EP300: variants seen among roughly 807,000 people sequenced by gnomAD.
EP300 encodes the protein EP300 lysine acetyltransferase.
Under a neutral mutation model 264.0 loss-of-function variants are expected in EP300, and 31 were observed. The ratio of observed to expected loss-of-function variants is 0.12; its 90% CI spans 0.09 to 0.16. The LOEUF is 0.16. Ranked by LOEUF, EP300 falls within the 10% of genes least tolerant of loss-of-function variation. The pLI, the probability that EP300 is intolerant of heterozygous loss-of-function variation, is 1.00. For synonymous variants in EP300, 1,340 were observed against 1,045.4 expected, an observed-to-expected ratio of 1.28 and a Z score of -5.44; for missense variants, 2,766 against 3,052.9, an observed-to-expected ratio of 0.91 and a Z score of 2.21.
At chr22:41,154,282 A>C (rs1167582782) in intron 16 of EP300, among the ~76,000 whole-genome samples, 2 of 149,410 alleles carry the variant, frequency 1.3e-5, no homozygotes. Flanking sequence ...GATCTAGTCT[A>C]GTTTCTGACT....
At chr22:41,107,482 C>A (rs1158365961) in intron 1 of EP300, among the ~76,000 whole-genome samples, 1 of 150,792 alleles carries the variant, frequency 6.6e-6, no homozygotes. Flanking sequence ...GATTTTGAGC[C>A]AAAATTGTTT....
intron 13 of EP300, 25 bp from the exon 14 acceptor site, chr22:41,149,736 C>CT (rs1303150275): frequency 6.2e-7 from 1 of 1,611,412 alleles, no homozygotes; most frequent in Non-Finnish European, 8.5e-7. Context: ...GAATTGCTGT[C>CT]TTGTTATGTT....
rs2145735948 is a variant in EP300, at chr22:41,149,103, G to A, written c.2307G>A (p.Gln769=). ...AGGGCCAGTTCCTTCCTCAGACTCAGTTCCCATCACAGGGAATGAATGTAA... is the reference window on the plus strand; with the variant it reads ...AGGGCCAGTTCCTTCCTCAGACTCAATTCCCATCACAGGGAATGAATGTAA... The part of the protein sequence containing the change: ...SNQGQFLPQT[Q]FPSQGMNVTN... Residue 769 remains glutamine (Q), a synonymous_variant, in exon 13 of 31, where the codon CAG becomes CAA. Coordinates refer to ENST00000263253, the MANE Select transcript of EP300 (RefSeq NM_001429.4). 1 of 1,613,246 alleles carries A rather than the reference G, an allele frequency of 6.2e-7. No individual in the cohort carries two copies. Among genetic ancestry groups the A allele is most frequent in the South Asian group, 1.1e-5 (1 of 91,060 alleles).
chr22:41,147,321 C>T (rs1046857395), intron 11 of EP300, among the ~76,000 whole-genome samples: 2 of 145,272 alleles, frequency 1.4e-5, no homozygotes, highest in Non-Finnish European at 3.0e-5. Flanking sequence ...AAAAAAAAAG[C>T]AGATTGTAAA....
At chr22:41,114,697 G>A (rs968863867) in intron 1 of EP300, among the ~76,000 whole-genome samples, 2 of 152,040 alleles carry the variant, frequency 1.3e-5, no homozygotes, top group African/African-American at 4.8e-5. Context: ...TGTCCTTCGC[G>A]AAGAATGCAT....
chr22:41,168,973 G>C (rs974460111), intron 25 of EP300, 106 bp downstream of exon 25: 4 of 1,517,432 alleles, frequency 2.6e-6, no homozygotes, highest in African/African-American at 2.7e-5. Context: ...GTTTGGTTTG[G>C]AAATGCAAAA....
intron 1 of EP300, among the ~76,000 whole-genome samples, chr22:41,115,301 A>G (rs1173475213): frequency 6.6e-6 from 1 of 152,256 alleles, no homozygotes; most frequent in African/African-American, 2.4e-5. Flanking sequence ...TAGAAAGACC[A>G]GGAGTCTCCT....
chr22:41,134,637 G>A (rs942614361), intron 6 of EP300, among the ~76,000 whole-genome samples: 3 of 152,084 alleles, frequency 2.0e-5, no homozygotes, highest in South Asian at 2.1e-4. Flanking sequence ...TCAAGTGATC[G>A]CCTGCCTCGA....
rs1240357634 is a variant in EP300, at chr22:41,117,390, C to T, written c.298C>T (p.Pro100Ser). 1 of 1,614,090 alleles carries T rather than the reference C, an allele frequency of 6.2e-7. No homozygotes were observed. Among genetic ancestry groups the T allele is most frequent in the South Asian group, 1.1e-5 (1 of 91,078 alleles). The part of the protein sequence containing the change: ...SPNLNMGVGG[P>S]GQVMASQAQQ... ...TAACCTCAATATGGGAGTTGGTGGC[C>T]CAGGTCAAGTCATGGCCAGCCAGGC... The change falls in exon 2 of 31, where the codon CCA (proline) becomes TCA (serine). Residue 100 changes from proline (P) to serine (S), a missense_variant. By Grantham distance (74) the Pro-to-Ser change is moderately conservative. Coordinates refer to ENST00000263253, the MANE Select transcript of EP300 (RefSeq NM_001429.4).
intron 13 of EP300, 109 bp downstream of exon 13, chr22:41,149,284 T>C: frequency 2.2e-6 from 3 of 1,341,748 alleles, no homozygotes; most frequent in Non-Finnish European, 3.2e-6. Context: ...AACAGATGAT[T>C]TTTTAAAAAA....
rs1399174163 is a variant in EP300, at chr22:41,178,941, A to G, written c.7230A>G (p.Thr2410=). 4.3e-6 allele frequency: 7 copies of G among 1,613,638 alleles called. No individual in the cohort carries two copies. The highest frequency in any genetic ancestry group is 3.3e-5 in the Admixed American group (2 of 59,800). Residue 2410 remains threonine (T), a synonymous_variant, in exon 31 of 31, where the codon ACA becomes ACG. Coordinates refer to ENST00000263253, the MANE Select transcript of EP300 (RefSeq NM_001429.4). ...SDLNSNLSQS[T]LDIH is the part of the protein sequence containing the mutation. Reference sequence around the variant, plus strand: ...TGAATTCAAACCTCTCACAGAGTACACTAGACATACACTAGAGACACCTTG... The same window carrying G: ...TGAATTCAAACCTCTCACAGAGTACGCTAGACATACACTAGAGACACCTTG...
Position 41,149,875 on chromosome 22 carries a change from C to A in EP300, c.2494C>A (p.Pro832Thr). The A allele has an allele frequency of 6.2e-7, 1 of 1,614,102 alleles. No homozygotes were observed. ...LPQPALHQNS[P>T]SPVPSRTPTP... ...TCAACCAGCTCTTCATCAGAATTCA[C>A]CCTCGCCTGTACCTAGTCGTACCCC... The change falls in exon 14 of 31, where the codon CCC becomes ACC. Residue 832 changes from proline (P) to threonine (T), a missense_variant. Physicochemically the swap from Pro to Thr is conservative, Grantham distance 38. Coordinates refer to ENST00000263253, the MANE Select transcript of EP300 (RefSeq NM_001429.4).
intron 16 of EP300, among the ~76,000 whole-genome samples, chr22:41,152,843 C>T (rs1039843967): frequency 6.6e-6 from 1 of 152,026 alleles, no homozygotes; most frequent in African/African-American, 2.4e-5. Context: ...CTGCAACCTC[C>T]ACCTCCCAGG....
chr22:41,150,602 G>T (rs780918195), intron 14 of EP300, among the ~76,000 whole-genome samples: 1 of 152,034 alleles, frequency 6.6e-6, no homozygotes, highest in Non-Finnish European at 1.5e-5. Flanking sequence ...AAAAATTGCA[G>T]ATTTGGACGG....
In EP300 at chr22:41,137,740, G is replaced by A. The variant is rs886043092; in HGVS notation, c.1710G>A (p.Gln570=). Residue 570 remains glutamine, a synonymous_variant, in exon 8 of 31, where the codon CAG becomes CAA. Coordinates refer to ENST00000263253, the MANE Select transcript of EP300 (RefSeq NM_001429.4). ...CATCCACTACTGGAATTCGGAAACAGTGGCACGAAGATATTACTCAGGATC... is the reference window on the plus strand; with the variant it reads ...CATCCACTACTGGAATTCGGAAACAATGGCACGAAGATATTACTCAGGATC... ...AQPSTTGIRK[Q]WHEDITQDLR... 8 of 1,614,088 alleles carry A rather than the reference G, an allele frequency of 5.0e-6. No homozygotes were observed. Among genetic ancestry groups the A allele is most frequent in the Non-Finnish European group, 6.8e-6 (8 of 1,180,040 alleles).
In EP300 at chr22:41,103,544, T is replaced by C. The variant is rs117345951; in HGVS notation, c.94+10446T>C. ...TTTGGAGCGTTGATGGAAAACTTCA[T>C]GGAGAAAATGTATATTTGAACAGGG... On this transcript the variant is annotated intron_variant, in intron 1 of 30. Transcript: ENST00000263253. Among the ~76,000 whole-genome samples the C allele has an allele frequency of 1.9e-3, 290 of 152,284 alleles. 1 individual carries two copies. The East Asian group carries it at 0.019, about 10-fold the overall frequency.
At chr22:41,141,511 A>C (rs1328199840) in intron 10 of EP300, among the ~76,000 whole-genome samples, 1 of 152,200 alleles carries the variant, frequency 6.6e-6, no homozygotes, top group Non-Finnish European at 1.5e-5. Context: ...GCCTACATAC[A>C]GATGTTCACA....
Position 41,169,645 on chromosome 22 carries a change from T to C in EP300, c.4286+29T>C, listed in dbSNP as rs566214668. The C allele has an allele frequency of 3.5e-4, 456 of 1,302,526 alleles. 8 individuals carry two copies. The Admixed American group carries it at 7.5e-3, about 21-fold the overall frequency. 80.7% of individuals were successfully genotyped at this position (1,302,526 alleles called of 1,614,324 possible). On this transcript the variant is annotated intron_variant, in intron 26 of 30. Transcript: ENST00000263253. Reference sequence around the variant, plus strand: ...AGCATATTTTGATAATGGCTTTTTTTCTTTAACTAGCATGGCATTCTGGTG... The same window carrying C: ...AGCATATTTTGATAATGGCTTTTTTCCTTTAACTAGCATGGCATTCTGGTG...
chr22:41,117,305 A>G lies in EP300; in HGVS notation c.213A>G (p.Val71=), dbSNP rs751372787. The change falls in exon 2 of 31, where the codon GTA becomes GTG. Residue 71 remains valine, a synonymous_variant. Transcript: ENST00000263253. ...INQLQTSLGM[V]QDAASKHKQL... Reference sequence around the variant, plus strand: ...AGCTTCAGACAAGTCTTGGCATGGTACAAGATGCAGCTTCTAAACATAAAC... The same window carrying G: ...AGCTTCAGACAAGTCTTGGCATGGTGCAAGATGCAGCTTCTAAACATAAAC... 4 of 1,614,244 alleles carry G rather than the reference A, an allele frequency of 2.5e-6. No homozygotes were observed. The highest frequency in any genetic ancestry group is 8.5e-7 in the Non-Finnish European group (1 of 1,180,046).
Sources: allele counts gnomAD v4.1 joint callset (sites outside exome capture counted in the v4.1 genomes callset), GRCh38; gene constraint gnomAD v4.1.1; transcripts MANE v1.5; gene names NCBI Gene and HGNC (gene_info 2026-07-23, HGNC 2026-07-21).